The following GRIP1 variants were observed in gnomAD, a reference collection of about 807,000 sequenced individuals.
GRIP1 encodes glutamate receptor-interacting protein 1.
GRIP1 carries 45 observed loss-of-function variants against 129.9 expected under a neutral mutation model. That is an observed-to-expected ratio of 0.35 (90% CI 0.27 to 0.44). The LOEUF (loss-of-function observed/expected upper bound fraction) is 0.44. GRIP1 is among the 20% of genes least tolerant of loss of function. GRIP1 has a pLI of 1.00. For synonymous variants in GRIP1, 530 were observed against 520.8 expected, an observed-to-expected ratio of 1.02 and a Z score of -0.24; for missense variants, 1,196 against 1,396.8, an observed-to-expected ratio of 0.86 and a Z score of 2.29.
intron 1 of GRIP1, among the ~76,000 whole-genome samples, chr12:66,614,512 C>T (rs1246970859): frequency 1.3e-5 from 2 of 152,118 alleles, no homozygotes; most frequent in Non-Finnish European, 2.9e-5. Context: ...TTCCTTCTCA[C>T]CACTTACACT....
intron 19 of GRIP1, among the ~76,000 whole-genome samples, chr12:66,387,965 C>G (rs530888005): frequency 6.6e-6 from 1 of 151,736 alleles, no homozygotes; most frequent in East Asian, 1.9e-4. Flanking sequence ...GGAATATATC[C>G]TTATAAAGCA....
intron 1 of GRIP1, among the ~76,000 whole-genome samples, chr12:66,845,622 C>T (rs1481460369): frequency 6.6e-6 from 1 of 152,114 alleles, no homozygotes; most frequent in Non-Finnish European, 1.5e-5. Flanking sequence ...GATCTGGGTA[C>T]ACTGCAGACT....
chr12:66,742,949 C>A (rs2036833765), intron 1 of GRIP1, among the ~76,000 whole-genome samples: 2 of 152,054 alleles, frequency 1.3e-5, no homozygotes, highest in Non-Finnish European at 2.9e-5. Context: ...ACCTCTCTGT[C>A]ATAAGAACAG....
intron 3 of GRIP1, 88 bp from the exon 4 acceptor site, chr12:66,539,311 T>C (rs2139196821): frequency 1.9e-6 from 3 of 1,558,622 alleles, no homozygotes; most frequent in Middle Eastern, 1.7e-4. Flanking sequence ...ATGGTAAGCA[T>C]GCAAGTGTAG....
chr12:66,645,635 G>A (rs970113368), intron 1 of GRIP1, among the ~76,000 whole-genome samples: 1 of 152,102 alleles, frequency 6.6e-6, no homozygotes, highest in Non-Finnish European at 1.5e-5. Context: ...TGCTGGAAAA[G>A]TTTTGGAAGT....
chr12:66,412,026 G>A (rs905206486), intron 15 of GRIP1, among the ~76,000 whole-genome samples: 1 of 152,142 alleles, frequency 6.6e-6, no homozygotes, highest in African/African-American at 2.4e-5. Context: ...GAAGGAGAAG[G>A]GGAGAACAGA....
At chr12:66,386,509 C>T (rs886605223) in intron 19 of GRIP1, among the ~76,000 whole-genome samples, 49 of 152,094 alleles carry the variant, frequency 3.2e-4, no homozygotes, top group Admixed American at 1.3e-4. Flanking sequence ...TGGTGGGCGC[C>T]TGTAGTCCCA....
chr12:66,913,590 G>C (rs1464348825), intron 1 of GRIP1, among the ~76,000 whole-genome samples: 2 of 152,068 alleles, frequency 1.3e-5, no homozygotes, highest in African/African-American at 4.8e-5. Context: ...CATTGTTGGA[G>C]AATTATTTTG....
intron 1 of GRIP1, among the ~76,000 whole-genome samples, chr12:66,689,587 G>A (rs2034904712): frequency 6.6e-6 from 1 of 152,140 alleles, no homozygotes; most frequent in Non-Finnish European, 1.5e-5. Context: ...ACAACATGAT[G>A]ATTTAATATA....
At chr12:66,781,474 T>A (rs897041727) in intron 1 of GRIP1, among the ~76,000 whole-genome samples, 2 of 152,174 alleles carry the variant, frequency 1.3e-5, no homozygotes, top group Non-Finnish European at 2.9e-5. Flanking sequence ...AAAACAGCTT[T>A]ATTGAGATAC....
intron 7 of GRIP1, among the ~76,000 whole-genome samples, chr12:66,496,927 AAG>A (rs780850629): frequency 8.5e-5 from 13 of 152,100 alleles, no homozygotes; most frequent in South Asian, 2.1e-4. Flanking sequence ...AAAGGAAGGA[AAG>A]AGAGGATGAA....
At chr12:66,845,418 C>T (rs2039796009) in intron 1 of GRIP1, among the ~76,000 whole-genome samples, 1 of 152,206 alleles carries the variant, frequency 6.6e-6, no homozygotes, top group African/African-American at 2.4e-5. Context: ...GATCAGGCCA[C>T]TGCACTACAG....
Position 66,420,627 on chromosome 12 carries a change from C to A in GRIP1, c.1838+93G>T. 1.2e-5 allele frequency: 9 copies of A among 773,190 alleles called. 1 individual carries two copies. The highest frequency in any genetic ancestry group is 9.6e-5 in the South Asian group (7 of 73,194). The allele number at this position is 773,190 out of a possible 1,614,324, so 47.9% of individuals were successfully genotyped here. On this transcript the variant is annotated intron_variant, in intron 15 of 24. Coordinates refer to ENST00000359742, the MANE Select transcript of GRIP1 (RefSeq NM_001366722.1). ...TGGAAGTTTTTGAAAATACAGTGAC[C>A]CATTAGAAAGGTTTGCTTTGGGTGT...
At chr12:66,605,214 T>C (rs1241343032) in intron 1 of GRIP1, among the ~76,000 whole-genome samples, 1 of 152,160 alleles carries the variant, frequency 6.6e-6, no homozygotes, top group Non-Finnish European at 1.5e-5. Flanking sequence ...ATAAGAATGA[T>C]TAGTTTCAAA....
intron 6 of GRIP1, among the ~76,000 whole-genome samples, chr12:66,516,221 T>C (rs1042770854): frequency 1.3e-5 from 2 of 152,188 alleles, no homozygotes; most frequent in African/African-American, 4.8e-5. Context: ...CTCCCTTGTC[T>C]ATAAATTTCC....
intron 5 of GRIP1, among the ~76,000 whole-genome samples, chr12:66,521,749 T>C (rs1411551073): frequency 7.2e-5 from 11 of 152,174 alleles, no homozygotes; most frequent in Admixed American, 7.2e-4. Flanking sequence ...TTCCCTTTCC[T>C]AGTCAAAGAA....
At chr12:66,941,805 T>C (rs1358599876) in intron 1 of GRIP1, among the ~76,000 whole-genome samples, 1 of 152,230 alleles carries the variant, frequency 6.6e-6, no homozygotes, top group African/African-American at 2.4e-5. Context: ...CCTGAATTAT[T>C]CATTGTTCTG....
chr12:66,912,271 GA>G (rs1447529760), intron 1 of GRIP1, among the ~76,000 whole-genome samples: 2 of 151,960 alleles, frequency 1.3e-5, no homozygotes, highest in Non-Finnish European at 2.9e-5. Flanking sequence ...TTATATCTAT[GA>G]AAAAATGTAT....
At chr12:66,608,613 T>G (rs2064649932) in intron 1 of GRIP1, among the ~76,000 whole-genome samples, 1 of 152,196 alleles carries the variant, frequency 6.6e-6, no homozygotes, top group Non-Finnish European at 1.5e-5. Context: ...ATTTCAGGCA[T>G]AAGCCACCAT....
Sources: allele counts gnomAD v4.1 joint callset (sites outside exome capture counted in the v4.1 genomes callset), GRCh38; gene constraint gnomAD v4.1.1; transcripts MANE v1.5; gene names NCBI Gene and HGNC (gene_info 2026-07-23, HGNC 2026-07-21).